RNPC3: variants seen among roughly 807,000 people sequenced by gnomAD.
RNPC3 encodes RNA-binding region-containing protein 3.
In RNPC3, 48 loss-of-function variants were observed where a neutral mutation model predicts 67.5. The ratio of observed to expected loss-of-function variants is 0.71; its 90% CI spans 0.56 to 0.90. The LOEUF is 0.90. RNPC3 is among the 40% of genes least tolerant of loss of function. RNPC3 has a pLI of 0.00. For synonymous variants in RNPC3, 239 were observed against 210.3 expected (o/e 1.14, Z -1.18); for missense variants, 637 against 626.1 (o/e 1.02, Z -0.19).
chr1:103,539,299 T>C (rs143230926), intron 7 of RNPC3, among the ~76,000 whole-genome samples: 1 of 152,310 alleles, frequency 6.6e-6, no homozygotes, highest in East Asian at 1.9e-4. Flanking sequence ...ACTGAGTCAG[T>C]GTCCACCCAA....
chr1:103,543,593 G>A (rs191057889), intron 9 of RNPC3, 146 bp downstream of exon 9: 27 of 590,340 alleles, frequency 4.6e-5, no homozygotes, highest in African/African-American at 3.5e-4. Flanking sequence ...AATAATATCC[G>A]CTTTCAACTT....
At chr1:103,528,066 A>G (rs1477437833) in intron 2 of RNPC3, among the ~76,000 whole-genome samples, 2 of 152,266 alleles carry the variant, frequency 1.3e-5, no homozygotes, top group Non-Finnish European at 2.9e-5. Context: ...CCAGGGAATC[A>G]TTCACAGGAG....
rs754480399 is a variant in RNPC3, at chr1:103,543,398, A to G, written c.996A>G (p.Ala332=). Residue 332 remains alanine, a synonymous_variant, in exon 9 of 15, where the codon GCA becomes GCG. Coordinates refer to ENST00000423855, the MANE Select transcript of RNPC3 (RefSeq NM_017619.4). ...EFHISTDMPA[A]FKKDLEKEQN... Reference sequence around the variant, plus strand: ...ATATATCTACCGACATGCCAGCTGCATTTAAGAAAGATTTAGAAAAGGAAC... The same window carrying G: ...ATATATCTACCGACATGCCAGCTGCGTTTAAGAAAGATTTAGAAAAGGAAC... 2.8e-5 allele frequency: 42 copies of G among 1,520,136 alleles called. No homozygotes were observed. Among genetic ancestry groups the G allele is most frequent in the Non-Finnish European group, 3.6e-5 (41 of 1,139,832 alleles). 94.2% of individuals were successfully genotyped at this position (1,520,136 alleles called of 1,614,324 possible).
At chr1:103,552,628 C>G (rs372859740) in intron 14 of RNPC3, 1 of 152,020 alleles carries the variant, frequency 6.6e-6, no homozygotes, top group African/African-American at 2.4e-5. Context: ...GGTGTGGTGG[C>G]GCCTACCTGT....
At chr1:103,551,142 A>G (rs954257355) in intron 13 of RNPC3, 69 bp downstream of exon 13, 29 of 1,347,556 alleles carry the variant, frequency 2.2e-5, no homozygotes, top group Non-Finnish European at 2.7e-5. Flanking sequence ...ATTAATTTTC[A>G]TGTTACCCTT....
Position 103,525,837 on chromosome 1 carries a change from G to A in RNPC3, c.-234G>A, listed in dbSNP as rs570077425. On this transcript the variant is annotated 5_prime_UTR_variant, in exon 1 of 15. Coordinates refer to ENST00000423855, the MANE Select transcript of RNPC3 (RefSeq NM_017619.4). ...CAATTTTTGCTTGTAAGTCTTTCCG[G>A]AGACCCCTGGAATTTAAATCATTAG... 2.9e-3 allele frequency: 1,322 copies of A among 453,802 alleles called. 1 individual carries two copies. The highest frequency in any genetic ancestry group is 4.1e-3 in the Non-Finnish European group (1,040 of 253,938). The allele number at this position is 453,802 out of a possible 1,614,324, so 28.1% of individuals were successfully genotyped here. A position where few individuals can be genotyped will look rare whatever the true frequency, so the allele number is the denominator to read the frequency against.
rs1650687335 is a variant in RNPC3 at position 103,525,892 on chromosome 1, A to G, written c.-179A>G. On this transcript the variant is annotated 5_prime_UTR_variant, in exon 1 of 15. Transcript: ENST00000423855. ...GCGCCCTTCCCCGAAGAGTCTTCGA[A>G]GGGTTGCCGCTTTTCGGTGGCGCAG... is the stretch of plus-strand genomic sequence containing the variant. 4 of 590,222 alleles carry G rather than the reference A, an allele frequency of 6.8e-6. No individual in the cohort carries two copies. Among genetic ancestry groups the G allele is most frequent in the Non-Finnish European group, 1.2e-5 (4 of 335,768 alleles). 36.6% of individuals were successfully genotyped at this position (590,222 alleles called of 1,614,324 possible).
chr1:103,532,411 A>G (rs1319222601), intron 2 of RNPC3, among the ~76,000 whole-genome samples: 1 of 152,128 alleles, frequency 6.6e-6, no homozygotes, highest in African/African-American at 2.4e-5. Context: ...ATTAAGTGAA[A>G]TGTTGAATTT....
chr1:103,544,121 A>T (rs1201273648), intron 9 of RNPC3, among the ~76,000 whole-genome samples: 45 of 151,884 alleles, frequency 3.0e-4, no homozygotes, highest in Non-Finnish European at 3.0e-5. Context: ...CCTACTACCT[A>T]AAGGCAAATA....
intron 9 of RNPC3, 46 bp downstream of exon 9, chr1:103,543,493 G>A: frequency 7.8e-7 from 1 of 1,283,410 alleles, no homozygotes; most frequent in Non-Finnish European, 1.0e-6. Context: ...AACTTATTGT[G>A]TTAGAATTAA....
intron 2 of RNPC3, among the ~76,000 whole-genome samples, chr1:103,529,046 G>A (rs2101041531): frequency 6.6e-6 from 1 of 152,262 alleles, no homozygotes; most frequent in Non-Finnish European, 1.5e-5. Flanking sequence ...AATATGGAAT[G>A]ATAGCCCAGA....
intron 6 of RNPC3, 95 bp downstream of exon 6, chr1:103,536,289 T>C (rs1650985067): frequency 1.2e-6 from 1 of 815,286 alleles, no homozygotes; most frequent in African/African-American, 1.7e-5. Flanking sequence ...ACCTCTGATG[T>C]ACATTGAAAA....
chr1:103,543,201 T>G (rs1651166196), intron 8 of RNPC3, 95 bp from the exon 9 acceptor site: 1 of 887,336 alleles, frequency 1.1e-6, no homozygotes, highest in Non-Finnish European at 1.6e-6. Flanking sequence ...CCTTTATCAG[T>G]GTTAACTTTT....
chr1:103,552,862 CAGGTA>C (rs1162335218), intron 14 of RNPC3: 1 of 151,882 alleles, frequency 6.6e-6, no homozygotes, highest in East Asian at 1.9e-4. Context: ...GTCTTTAAAA[CAGGTA>C]ATTTTAGTGC....
At chr1:103,549,409 T>G (rs1224446967) in intron 12 of RNPC3, among the ~76,000 whole-genome samples, 1 of 152,202 alleles carries the variant, frequency 6.6e-6, no homozygotes, top group African/African-American at 2.4e-5. Flanking sequence ...TTTATATCCA[T>G]TAGGGGCAAA....
At chr1:103,542,214 C>CACA (rs1351902509) in intron 8 of RNPC3, among the ~76,000 whole-genome samples, 1 of 151,846 alleles carries the variant, frequency 6.6e-6, no homozygotes, top group Non-Finnish European at 1.5e-5. Flanking sequence ...AAAGAGAGGT[C>CACA]ACAGCCAGTT....
At chr1:103,547,071 T>A in intron 12 of RNPC3, 36 bp downstream of exon 12, 1 of 1,268,258 alleles carries the variant, frequency 7.9e-7, no homozygotes. Flanking sequence ...CAATTATATT[T>A]TGTTTTTATC....
chr1:103,531,158 C>T (rs1177318459), intron 2 of RNPC3, among the ~76,000 whole-genome samples: 1 of 152,112 alleles, frequency 6.6e-6, no homozygotes, highest in East Asian at 1.9e-4. Flanking sequence ...ATCTAGGTTG[C>T]TGCAAATGCC....
chr1:103,527,607 T>G lies in RNPC3; in HGVS notation c.193-88T>G. 4.4e-6 allele frequency: 4 copies of G among 917,658 alleles called. No homozygotes were observed. The Admixed American group carries it at 8.7e-5, about 20-fold the overall frequency. The allele number at this position is 917,658 out of a possible 1,614,324, so 56.8% of individuals were successfully genotyped here. A position where few individuals can be genotyped will look rare whatever the true frequency, so the allele number is the denominator to read the frequency against. On this transcript the variant is annotated intron_variant, in intron 1 of 14. Coordinates refer to ENST00000423855, the MANE Select transcript of RNPC3 (RefSeq NM_017619.4). ...CCTTTCCCGTGATTTTATTAACATG[T>G]CACATTACTCCACTGGTAAAAAGTC... is the stretch of plus-strand genomic sequence containing the variant.
Sources: allele counts gnomAD v4.1 joint callset (sites outside exome capture counted in the v4.1 genomes callset), GRCh38; gene constraint gnomAD v4.1.1; transcripts MANE v1.5; gene names NCBI Gene and HGNC (gene_info 2026-07-23, HGNC 2026-07-21).